CTNNA3: variants seen among roughly 807,000 people sequenced by gnomAD.
The protein encoded by CTNNA3 is catenin alpha-3.
Under a neutral mutation model 95.7 loss-of-function variants are expected in CTNNA3, and 76 were observed. The observed-to-expected ratio is 0.79, with a 90% confidence interval of 0.66 to 0.96. The LOEUF (loss-of-function observed/expected upper bound fraction) is 0.96, where lower values mean the gene tolerates loss of function less well. CTNNA3 is among the 40% of genes least tolerant of loss of function. CTNNA3 has a pLI of 0.00. For missense variants in CTNNA3, 1,191 were observed against 1,089.8 expected (o/e 1.09, Z -1.31); for synonymous variants, 431 against 374.4 (o/e 1.15, Z -1.74).
rs1841876714 is a variant in CTNNA3 at position 67,333,513 on chromosome 10, A to G, written c.580-113643T>C. Among the ~76,000 whole-genome samples, 4 of 152,230 alleles carry G rather than the reference A, an allele frequency of 2.6e-5. No homozygotes were observed. In the South Asian group the frequency reaches 8.3e-4, roughly 32 times the overall value. ...CTGGGTTGGATTTAAATGCTCTTCA[A>G]GGAACTGTACTTTTTTGTCCCCATT... On this transcript the variant is annotated intron_variant, in intron 5 of 17. Coordinates refer to ENST00000433211, the MANE Select transcript of CTNNA3 (RefSeq NM_013266.4).
At chr10:66,374,851 A>T (rs1213296808) in intron 12 of CTNNA3, among the ~76,000 whole-genome samples, 2 of 151,802 alleles carry the variant, frequency 1.3e-5, no homozygotes. Context: ...TCCTGACCTC[A>T]TGATCCTCCC....
intron 7 of CTNNA3, among the ~76,000 whole-genome samples, chr10:66,825,003 T>C (rs1447772643): frequency 6.6e-6 from 1 of 151,846 alleles, no homozygotes; most frequent in East Asian, 1.9e-4. Context: ...CAAGAACTCT[T>C]TGTAAGATTC....
At chr10:66,540,751 G>C (rs886084349) in intron 10 of CTNNA3, among the ~76,000 whole-genome samples, 1 of 152,006 alleles carries the variant, frequency 6.6e-6, no homozygotes, top group Non-Finnish European at 1.5e-5. Context: ...AGCCAGGGTT[G>C]GGTCTAGGTG....
intron 7 of CTNNA3, among the ~76,000 whole-genome samples, chr10:67,029,341 AG>A (rs1373232405): frequency 6.6e-6 from 1 of 152,190 alleles, no homozygotes; most frequent in Non-Finnish European, 1.5e-5. Flanking sequence ...GTAAGCAAAT[AG>A]GGTCATGGAT....
intron 5 of CTNNA3, among the ~76,000 whole-genome samples, chr10:67,326,695 T>A (rs926828314): frequency 1.3e-5 from 2 of 152,158 alleles, no homozygotes; most frequent in African/African-American, 2.4e-5. Flanking sequence ...AATCTGATTA[T>A]TATAGGTCTT....
intron 13 of CTNNA3, among the ~76,000 whole-genome samples, chr10:66,237,901 C>T (rs1262341811): frequency 2.0e-5 from 3 of 152,032 alleles, no homozygotes; most frequent in African/African-American, 4.8e-5. Flanking sequence ...CAAATTCTTG[C>T]ATCTGTGGTT....
chr10:67,606,859 T>C lies in CTNNA3; in HGVS notation c.290A>G (p.Glu97Gly), dbSNP rs1843292839. Reference protein sequence around the residue: ...LTASLEEVRKESEALKVSAER... With the variant: ...LTASLEEVRKGSEALKVSAER... ...CTGACCAGGATTGGAGTACTCACTT[T>C]CTTTGCGAACTTCCTCAAGTGAAGC... Residue 97 changes from glutamate to glycine, a missense_variant and splice_region_variant, in exon 3 of 18, where the codon GAA becomes GGA. Transcript: ENST00000433211. 3 of 1,612,568 alleles carry C rather than the reference T, an allele frequency of 1.9e-6. No homozygotes were observed. Among genetic ancestry groups the C allele is most frequent in the South Asian group, 2.2e-5 (2 of 90,866 alleles).
intron 10 of CTNNA3, among the ~76,000 whole-genome samples, chr10:66,566,380 A>G (rs573048735): frequency 6.6e-6 from 1 of 152,330 alleles, no homozygotes; most frequent in Admixed American, 6.5e-5. Context: ...ACTGCTTGAA[A>G]TTTAAAGAAG....
chr10:66,589,907 T>C (rs1843489010), intron 10 of CTNNA3, among the ~76,000 whole-genome samples: 1 of 152,106 alleles, frequency 6.6e-6, no homozygotes, highest in South Asian at 2.1e-4. Context: ...ATTCCCATCA[T>C]AAACGCTGCC....
At chr10:66,548,924 G>T (rs1485102058) in intron 10 of CTNNA3, among the ~76,000 whole-genome samples, 1 of 149,364 alleles carries the variant, frequency 6.7e-6, no homozygotes, top group Non-Finnish European at 1.5e-5. Flanking sequence ...TTTTTATAAT[G>T]GAAAGGTTTT....
chr10:67,008,022 T>A (rs1852107660), intron 7 of CTNNA3, among the ~76,000 whole-genome samples: 1 of 152,006 alleles, frequency 6.6e-6, no homozygotes, highest in African/African-American at 2.4e-5. Context: ...AATCACAGTA[T>A]AAGAACTTTA....
chr10:67,304,429 G>A (rs1840454413), intron 5 of CTNNA3, among the ~76,000 whole-genome samples: 2 of 152,042 alleles, frequency 1.3e-5, no homozygotes, highest in Admixed American at 1.3e-4. Context: ...AAAGGATTCT[G>A]GACAGTCAGC....
At chr10:66,802,675 CA>C (rs1003321505) in intron 7 of CTNNA3, among the ~76,000 whole-genome samples, 4 of 149,672 alleles carry the variant, frequency 2.7e-5, no homozygotes, top group Non-Finnish European at 5.9e-5. Flanking sequence ...AAGAATTGTA[CA>C]AAAATATTCA....
chr10:66,272,983 A>G (rs1168670339), intron 13 of CTNNA3, among the ~76,000 whole-genome samples: 1 of 152,158 alleles, frequency 6.6e-6, no homozygotes, highest in Non-Finnish European at 1.5e-5. Context: ...TGTGGCTGTG[A>G]CTTTTGAGTC....
rs187936902 is a variant in CTNNA3 at position 66,845,998 on chromosome 10, G to A, written c.1048-70474C>T. 8.9e-4 allele frequency among the ~76,000 whole-genome samples: 136 copies of A among 151,958 alleles called. 1 individual carries two copies. The highest frequency in any genetic ancestry group is 1.6e-3 in the Non-Finnish European group (106 of 67,964). Reference sequence around the variant, plus strand: ...ATACACAAATTTAGCCGGGCATGGTGGCATGTGCCTATAGTCCCAGCTACT... The same window carrying A: ...ATACACAAATTTAGCCGGGCATGGTAGCATGTGCCTATAGTCCCAGCTACT... On this transcript the variant is annotated intron_variant, in intron 7 of 17. Coordinates refer to ENST00000433211, the MANE Select transcript of CTNNA3 (RefSeq NM_013266.4).
At chr10:66,646,617 C>T (rs1845717191) in intron 9 of CTNNA3, among the ~76,000 whole-genome samples, 1 of 151,960 alleles carries the variant, frequency 6.6e-6, no homozygotes, top group Admixed American at 6.5e-5. Flanking sequence ...TCTAAATTGC[C>T]AGGCAAGATT....
intron 15 of CTNNA3, among the ~76,000 whole-genome samples, chr10:66,043,022 T>A (rs372095178): frequency 7.0e-6 from 1 of 143,546 alleles, no homozygotes; most frequent in Admixed American, 7.1e-5. Flanking sequence ...AAGGATGAAA[T>A]TGACCATCTA....
At chr10:66,421,909 TATATATAC>T (rs1487216983) in intron 11 of CTNNA3, among the ~76,000 whole-genome samples, 1 of 144,702 alleles carries the variant, frequency 6.9e-6, no homozygotes, top group African/African-American at 2.6e-5. Context: ...TATATATATA[TATATATAC>T]ACACACACAC....
At chr10:66,523,972 C>T (rs1841159783) in intron 10 of CTNNA3, among the ~76,000 whole-genome samples, 2 of 152,178 alleles carry the variant, frequency 1.3e-5, no homozygotes, top group African/African-American at 4.8e-5. Flanking sequence ...GTTCATTCTG[C>T]TGTAATAATC....
Sources: allele counts gnomAD v4.1 joint callset (sites outside exome capture counted in the v4.1 genomes callset), GRCh38; gene constraint gnomAD v4.1.1; transcripts MANE v1.5; gene names NCBI Gene and HGNC (gene_info 2026-07-23, HGNC 2026-07-21).